The following DLEU7 variants were observed in gnomAD, a reference collection of about 807,000 sequenced individuals.
DLEU7 encodes the protein deleted in lymphocytic leukemia 7.
In DLEU7, 17 loss-of-function variants were observed where a neutral mutation model predicts 16.0. The observed-to-expected ratio is 1.06, with a 90% CI of 0.73 to 1.59. The LOEUF (loss-of-function observed/expected upper bound fraction) is 1.59, where lower values mean the gene tolerates loss of function less well. Among genes scored for constraint, DLEU7 ranks in the 40% most tolerant of loss-of-function variants. The pLI, the probability that DLEU7 is intolerant of heterozygous loss-of-function variation, is 0.00. For missense variants in DLEU7, 308 were observed against 314.9 expected (o/e 0.98, Z 0.17); for synonymous variants, 113 against 139.8 (o/e 0.81, Z 1.35).
chr13:50,817,842 G>C (rs1876781046), intron 1 of DLEU7, among the ~76,000 whole-genome samples: 1 of 152,064 alleles, frequency 6.6e-6, no homozygotes, highest in Non-Finnish European at 1.5e-5. Context: ...TGTAAGATAA[G>C]CTGATCTGGG....
chr13:50,724,856 T>A (rs558111324), intron 1 of DLEU7, among the ~76,000 whole-genome samples: 315 of 152,196 alleles, frequency 2.1e-3, no homozygotes, highest in African/African-American at 7.1e-3. Context: ...AGAGAGTGAC[T>A]CTGAGGGTCC....
chr13:50,798,999 G>A (rs898750005), intron 1 of DLEU7, among the ~76,000 whole-genome samples: 2 of 152,178 alleles, frequency 1.3e-5, no homozygotes, highest in Non-Finnish European at 2.9e-5. Context: ...TCTCCTGGAA[G>A]TGAGGATCTT....
At chr13:50,771,669 G>A (rs956942549) in intron 1 of DLEU7, among the ~76,000 whole-genome samples, 1 of 152,180 alleles carries the variant, frequency 6.6e-6, no homozygotes, top group African/African-American at 2.4e-5. Flanking sequence ...TTGCTGAGGA[G>A]AACTTTACTT....
At chr13:50,750,018 G>A (rs530796798) in intron 1 of DLEU7, among the ~76,000 whole-genome samples, 181 of 152,298 alleles carry the variant, frequency 1.2e-3, no homozygotes, top group African/African-American at 4.2e-3. Flanking sequence ...CTAAGCCAAT[G>A]TCTAAAAGGG....
At chr13:50,781,046 G>A (rs1875638173) in intron 1 of DLEU7, among the ~76,000 whole-genome samples, 1 of 152,170 alleles carries the variant, frequency 6.6e-6, no homozygotes, top group Admixed American at 6.5e-5. Flanking sequence ...TTTTCTGCCT[G>A]CATTTTCTTA....
downstream of DLEU7, chr13:50,711,779 G>GGGGGGCGGGCGGC (rs1555287141): frequency 4.4e-5 from 6 of 135,682 alleles, 1 homozygote; most frequent in Non-Finnish European, 9.3e-5. Context: ...TGGCGGGGGC[G>GGGGGGCGGGCGGC]GGGGGCATTA....
chr13:50,785,882 ACT>A (rs1316699984), intron 1 of DLEU7, among the ~76,000 whole-genome samples: 1 of 152,140 alleles, frequency 6.6e-6, no homozygotes, highest in Non-Finnish European at 1.5e-5. Flanking sequence ...TTTATTCTAT[ACT>A]CTCATTATCT....
chr13:50,730,959 G>C (rs1481192314), intron 1 of DLEU7, among the ~76,000 whole-genome samples: 2 of 152,110 alleles, frequency 1.3e-5, no homozygotes, highest in African/African-American at 2.4e-5. Flanking sequence ...ATAACAAAAG[G>C]ATCAGAGGCT....
chr13:50,767,541 T>C (rs186063450), intron 1 of DLEU7, among the ~76,000 whole-genome samples: 2 of 151,324 alleles, frequency 1.3e-5, no homozygotes, highest in East Asian at 3.9e-4. Context: ...GCTCAAGACT[T>C]AGTTCATGGG....
At chr13:50,829,229 GT>G (rs1315749495) in intron 1 of DLEU7, among the ~76,000 whole-genome samples, 2 of 152,172 alleles carry the variant, frequency 1.3e-5, no homozygotes, top group African/African-American at 4.8e-5. Flanking sequence ...GGTGGCCTGT[GT>G]GCTGAAGCAT....
intron 1 of DLEU7, among the ~76,000 whole-genome samples, chr13:50,795,803 T>C (rs904813850): frequency 7.2e-5 from 11 of 152,160 alleles, no homozygotes; most frequent in African/African-American, 2.7e-4. Context: ...GTACATAAAC[T>C]GGAAATTAAA....
At chr13:50,733,839 A>T (rs922245390) in intron 1 of DLEU7, among the ~76,000 whole-genome samples, 1 of 152,344 alleles carries the variant, frequency 6.6e-6, no homozygotes, top group East Asian at 1.9e-4. Context: ...AACCTAGGAT[A>T]GACTCATTTT....
intron 1 of DLEU7, among the ~76,000 whole-genome samples, chr13:50,786,483 A>G (rs1875797858): frequency 6.6e-6 from 1 of 152,222 alleles, no homozygotes; most frequent in Non-Finnish European, 1.5e-5. Flanking sequence ...AGCTCAGTGC[A>G]TATTTGTTAA....
chr13:50,823,059 G>A lies in DLEU7; in HGVS notation c.*255C>T. 8.3e-7 allele frequency: 1 copy of A among 1,201,314 alleles called. No individual in the cohort carries two copies. The highest frequency in any genetic ancestry group is 1.0e-6 in the Non-Finnish European group (1 of 953,016). The allele number at this position is 1,201,314 out of a possible 1,614,324, so 74.4% of individuals were successfully genotyped here. A position where few individuals can be genotyped will look rare whatever the true frequency, so the allele number is the denominator to read the frequency against. ...ATAATCAAATCAGCTTCACAAAGTA[G>A]AATGTATTTCAATCAGAAAGTCAGC... On this transcript the variant is annotated 3_prime_UTR_variant, in exon 2 of 2. Coordinates refer to ENST00000504404, the MANE Select transcript of DLEU7 (RefSeq NM_001306135.2).
At chr13:50,794,962 T>C (rs1466389273) in intron 1 of DLEU7, among the ~76,000 whole-genome samples, 1 of 151,462 alleles carries the variant, frequency 6.6e-6, no homozygotes, top group Non-Finnish European at 1.5e-5. Context: ...TAATTATATA[T>C]TATTACAACA....
chr13:50,842,502 C>T (rs1350804540), intron 1 of DLEU7, among the ~76,000 whole-genome samples: 1 of 152,180 alleles, frequency 6.6e-6, no homozygotes, highest in Non-Finnish European at 1.5e-5. Context: ...TGCTCCCTTC[C>T]CGGGCTAAAT....
intron 1 of DLEU7, among the ~76,000 whole-genome samples, chr13:50,839,343 T>G (rs1005298451): frequency 6.6e-6 from 1 of 152,258 alleles, no homozygotes; most frequent in African/African-American, 2.4e-5. Context: ...GATTTAGTAC[T>G]GTTAAGCATT....
chr13:50,783,976 G>C (rs889824771), intron 1 of DLEU7, among the ~76,000 whole-genome samples: 2 of 152,192 alleles, frequency 1.3e-5, no homozygotes, highest in Non-Finnish European at 2.9e-5. Context: ...CTGTTTTTAA[G>C]AGGTTGCCAA....
At chr13:50,741,532 G>A (rs951058010) in intron 1 of DLEU7, among the ~76,000 whole-genome samples, 1 of 152,158 alleles carries the variant, frequency 6.6e-6, no homozygotes, top group African/African-American at 2.4e-5. Context: ...CTGTTTCAAA[G>A]TAAAGGCTCA....
Sources: allele counts gnomAD v4.1 joint callset (sites outside exome capture counted in the v4.1 genomes callset), GRCh38; gene constraint gnomAD v4.1.1; transcripts MANE v1.5; gene names NCBI Gene and HGNC (gene_info 2026-07-23, HGNC 2026-07-21).